The following GRIN1 variants were observed in gnomAD, a reference collection of about 807,000 sequenced individuals.
GRIN1 encodes glutamate receptor ionotropic, NMDA 1.
GRIN1 carries 38 observed loss-of-function variants against 103.0 expected under a neutral mutation model. The ratio of observed to expected loss-of-function variants is 0.37; its 90% CI spans 0.28 to 0.48. GRIN1 has a LOEUF of 0.48. Ranked by LOEUF, GRIN1 falls within the 20% of genes least tolerant of loss-of-function variation. GRIN1 has a pLI of 0.98. For missense variants in GRIN1, 577 were observed against 1,288.9 expected, an observed-to-expected ratio of 0.45 and a Z score of 8.46; for synonymous variants, 544 against 532.7, an observed-to-expected ratio of 1.02 and a Z score of -0.29.
intron 4 of GRIN1, among the ~76,000 whole-genome samples, chr9:137,150,083 C>A (rs973125971): frequency 6.6e-6 from 1 of 152,168 alleles, no homozygotes; most frequent in Non-Finnish European, 1.5e-5. Context: ...GAGCTGCCCA[C>A]GGGGCCTTAC....
At chr9:137,163,058 G>T (rs1833645951) in intron 15 of GRIN1, 55 bp downstream of exon 15, 2 of 1,557,584 alleles carry the variant, frequency 1.3e-6, no homozygotes, top group Non-Finnish European at 1.7e-6. Context: ...GAGGGGGAGG[G>T]TGGCCTCCAC....
chr9:137,162,096 G>A lies in GRIN1; in HGVS notation c.1632+8G>A. On this transcript the variant is annotated splice_region_variant and intron_variant, in intron 11 of 19. Coordinates refer to ENST00000371561, the MANE Select transcript of GRIN1 (RefSeq NM_007327.4). The stretch of plus-strand genomic sequence containing the variant: ...ACTATTCTGGTCAAGAAGGTGGGCA[G>A]GGGCCGGGTGGCGGGGTGGCGGCGG... 6.5e-7 allele frequency: 1 copy of A among 1,543,846 alleles called. No individual in the cohort carries two copies. The highest frequency in any genetic ancestry group is 1.2e-5 in the South Asian group (1 of 83,936).
At chr9:137,155,967 C>A (rs899943263) in intron 4 of GRIN1, among the ~76,000 whole-genome samples, 8 of 152,200 alleles carry the variant, frequency 5.3e-5, no homozygotes, top group Non-Finnish European at 8.8e-5. Context: ...CTGGATCCAC[C>A]AATATCTCAC....
Position 137,139,848 on chromosome 9 carries a change from G to T in GRIN1, c.258+104G>T, listed in dbSNP as rs1832067981. ...TTCCGTGCCCCCTTCCTCCCTGTAA[G>T]ACACCACCCCAGAGTCAGCTGGCTG... On this transcript the variant is annotated intron_variant, in intron 1 of 19. Transcript: ENST00000371561. This position sits in a 1 kb window ranked among gnomAD's most constrained non-coding sequence, Gnocchi z 7.7. 3 of 928,446 alleles carry T rather than the reference G, an allele frequency of 3.2e-6. No individual in the cohort carries two copies. Among genetic ancestry groups the T allele is most frequent in the Non-Finnish European group, 3.5e-6 (2 of 577,154 alleles). The allele number at this position is 928,446 out of a possible 1,614,324, so 57.5% of individuals were successfully genotyped here.
chr9:137,150,880 C>A (rs1832826915), intron 4 of GRIN1, among the ~76,000 whole-genome samples: 1 of 146,958 alleles, frequency 6.8e-6, no homozygotes, highest in Admixed American at 6.7e-5. Flanking sequence ...AAGCCCCGCC[C>A]ATAAAAAAGC....
chr9:137,166,495 G>A (rs1018294105), intron 19 of GRIN1, among the ~76,000 whole-genome samples: 1 of 152,242 alleles, frequency 6.6e-6, no homozygotes, highest in Non-Finnish European at 1.5e-5. Flanking sequence ...GGGGGAGGAA[G>A]TGCGATTTGC....
At chr9:137,154,535 C>A (rs1244648519) in intron 4 of GRIN1, among the ~76,000 whole-genome samples, 1 of 146,860 alleles carries the variant, frequency 6.8e-6, no homozygotes, top group East Asian at 2.0e-4. Flanking sequence ...CTCACTGCAA[C>A]CTCCGCCTCC....
At chr9:137,163,996 C>A in intron 18 of GRIN1, 92 bp downstream of exon 18, 2 of 1,443,988 alleles carry the variant, frequency 1.4e-6, no homozygotes, top group Non-Finnish European at 1.9e-6. Context: ...CTGGCTCTGG[C>A]TCTGGTGGGC....
intron 4 of GRIN1, among the ~76,000 whole-genome samples, chr9:137,150,843 T>A: frequency 1.1e-5 from 1 of 87,432 alleles, no homozygotes; most frequent in South Asian, 4.4e-4. Context: ...GGAAAAGCTC[T>A]GGCCAGATAA....
intron 16 of GRIN1, 60 bp downstream of exon 16, chr9:137,163,390 C>T: frequency 1.3e-6 from 2 of 1,582,716 alleles, no homozygotes; most frequent in Non-Finnish European, 1.7e-6. Flanking sequence ...TGGACGCCCT[C>T]CCCAGTGCCA....
Position 137,163,643 on chromosome 9 carries a change from G to A in GRIN1, c.2418G>A (p.Ala806=). 6.2e-7 allele frequency: 1 copy of A among 1,613,630 alleles called. No individual in the cohort carries two copies. The highest frequency in any genetic ancestry group is 8.5e-7 in the Non-Finnish European group (1 of 1,179,838). Residue 806 remains alanine, a synonymous_variant, in exon 17 of 20, where the codon GCG becomes GCA. Transcript: ENST00000371561. The part of the protein sequence containing the change: ...QECDSRSNAP[A]TLTFENMAGV... ...GTGACTCGCGCAGCAACGCCCCTGC[G>A]ACCCTTACTTTTGAGAACATGGCCG...
intron 3 of GRIN1, 51 bp downstream of exon 3, chr9:137,145,953 G>T (rs530184192): frequency 1.5e-6 from 2 of 1,353,560 alleles, no homozygotes; most frequent in Admixed American, 2.0e-5. Flanking sequence ...GGTGCAGGAC[G>T]GGCCGCCTTG....
chr9:137,161,599 C>T, intron 10 of GRIN1, among the ~76,000 whole-genome samples, 183 bp downstream of exon 10: 1 of 69,604 alleles, frequency 1.4e-5, no homozygotes, highest in South Asian at 5.5e-4. Context: ...TGGGCGGGGC[C>T]TGAGGGCTGG....
At chr9:137,145,661 G>C in intron 2 of GRIN1, 65 bp from the exon 3 acceptor site, 6 of 1,391,448 alleles carry the variant, frequency 4.3e-6, no homozygotes, top group Non-Finnish European at 5.0e-6. Flanking sequence ...CCGGCAGTGG[G>C]AGGCGGGTGG....
In GRIN1 at chr9:137,139,430, G is replaced by T. The variant is rs1010553164; in HGVS notation, c.-57G>T. 1.1e-5 allele frequency: 15 copies of T among 1,321,984 alleles called. No homozygotes were observed. Among genetic ancestry groups the T allele is most frequent in the African/African-American group, 1.5e-5 (1 of 64,744 alleles). The allele number at this position is 1,321,984 out of a possible 1,614,324, so 81.9% of individuals were successfully genotyped here. ...AGGACGGCCCGGAAGCCCCGCGGGG[G>T]ATGCGCCGAGGGCCCCGCGTTCGCG... On this transcript the variant is annotated 5_prime_UTR_variant, in exon 1 of 20. Coordinates refer to ENST00000371561, the MANE Select transcript of GRIN1 (RefSeq NM_007327.4). The surrounding 1 kb of genome is among the most constrained non-coding windows in gnomAD (Gnocchi z 7.7).
chr9:137,143,060 C>G lies in GRIN1; in HGVS notation c.393+913C>G, dbSNP rs142142870. Among the ~76,000 whole-genome samples the G allele has an allele frequency of 5.3e-3, 801 of 152,384 alleles. 9 individuals carry two copies. The highest frequency in any genetic ancestry group is 0.017 in the African/African-American group (715 of 41,596). On this transcript the variant is annotated intron_variant, in intron 2 of 19. Transcript: ENST00000371561. ...AACTGGGCACTGAGAGGCTGACCAA[C>G]CTGGGGCCACTGGCAGACAGACCTG...
chr9:137,147,912 C>T (rs1218546169), intron 3 of GRIN1, among the ~76,000 whole-genome samples: 5 of 152,150 alleles, frequency 3.3e-5, no homozygotes, highest in Non-Finnish European at 7.3e-5. Flanking sequence ...CGAGAGCGAC[C>T]GTTTCCAAGA....
At chr9:137,167,364 G>A (rs1421743726) in intron 19 of GRIN1, 47 bp from the exon 20 acceptor site, 2 of 1,443,208 alleles carry the variant, frequency 1.4e-6, no homozygotes, top group Admixed American at 1.9e-5. Context: ...GGGGTCCCTG[G>A]CGGCCGGCGG....
intron 2 of GRIN1, 103 bp downstream of exon 2, chr9:137,142,250 C>A: frequency 9.2e-7 from 1 of 1,086,674 alleles, no homozygotes; most frequent in Non-Finnish European, 1.4e-6. Context: ...AACTCACACA[C>A]CACAAACAGC....
Sources: gnomAD v4.1 joint callset for allele counts (sites outside exome capture counted in the v4.1 genomes callset) on GRCh38, gnomAD v4.1.1 for gene constraint, Gnocchi (gnomAD v3.1) non-coding constraint, MANE v1.5 for transcripts, NCBI Gene and HGNC (gene_info 2026-07-23, HGNC 2026-07-21) for gene names.